The following SPTA1 variants were observed in gnomAD, a reference collection of about 807,000 sequenced individuals.
The protein encoded by SPTA1 is spectrin alpha chain, erythrocytic 1.
Under a neutral mutation model 324.7 loss-of-function variants are expected in SPTA1, and 177 were observed. The ratio of observed to expected loss-of-function variants is 0.55; its 90% confidence interval spans 0.48 to 0.62. The LOEUF (loss-of-function observed/expected upper bound fraction) is 0.62. Ranked by LOEUF, SPTA1 falls within the 20% of genes least tolerant of loss-of-function variation. The probability of loss-of-function intolerance (pLI) is 0.00; values close to 1 mark genes in which losing one functional copy is unlikely to be tolerated. For synonymous variants in SPTA1, 1,195 were observed against 1,041.3 expected, an observed-to-expected ratio of 1.15 and a Z score of -2.84; for missense variants, 3,162 against 2,883.6, an observed-to-expected ratio of 1.10 and a Z score of -2.21.
At chr1:158,671,684 C>T (rs1284170581) in intron 11 of SPTA1, among the ~76,000 whole-genome samples, 4 of 152,154 alleles carry the variant, frequency 2.6e-5, no homozygotes, top group Admixed American at 6.6e-5. Context: ...TGGAATTCCT[C>T]AACCAGTCTA....
chr1:158,684,518 A>T (rs1655034638), intron 2 of SPTA1, among the ~76,000 whole-genome samples: 1 of 152,148 alleles, frequency 6.6e-6, no homozygotes, highest in South Asian at 2.1e-4. Context: ...TCTATACAGA[A>T]TAAATCTCCT....
intron 30 of SPTA1, among the ~76,000 whole-genome samples, chr1:158,643,919 T>C (rs1360676459): frequency 1.3e-5 from 2 of 151,958 alleles, no homozygotes; most frequent in East Asian, 3.9e-4. Flanking sequence ...GGTAGATCAC[T>C]TGAGGTCAGG....
At position 158,617,524 on chromosome 1, in the gene SPTA1, A is replaced by C. The variant is rs1284019576; in HGVS notation, c.6600+13T>G. ...TTGGCAATATCTTCAGTTAATGAAA[A>C]AACAATACTTACTTTATTTGCTTCC... On this transcript the variant is annotated intron_variant, in intron 47 of 51. Coordinates refer to ENST00000643759, the MANE Select transcript of SPTA1 (RefSeq NM_003126.4). 1.2e-6 allele frequency: 2 copies of C among 1,611,742 alleles called. No homozygotes were observed. The highest frequency in any genetic ancestry group is 1.7e-6 in the Non-Finnish European group (2 of 1,178,160).
intron 15 of SPTA1, among the ~76,000 whole-genome samples, chr1:158,666,714 A>G (rs1048311288): frequency 1.3e-5 from 2 of 152,200 alleles, no homozygotes; most frequent in Admixed American, 6.5e-5. Flanking sequence ...AGCAAAAATA[A>G]ATAAGAAGTT....
chr1:158,660,357 AAAGATAGCTCATGTGGCTTTTAT>A (rs1316522889), intron 18 of SPTA1, among the ~76,000 whole-genome samples: 2 of 152,196 alleles, frequency 1.3e-5, no homozygotes, highest in African/African-American at 4.8e-5. Flanking sequence ...AAACTAATCA[AAAGATAGCTCATGTGGCTTTTAT>A]TAGTTTACTA....
At position 158,652,515 on chromosome 1, in the gene SPTA1, T is replaced by C; in HGVS notation, c.3327A>G (p.Glu1109=). ...QEKKAENTGV[E]LDDVWELQKK... Reference sequence around the variant, plus strand: ...TCTGCAGCTCCCAAACATCATCTAGTTCCACTCCAGTGTTTTCTGCCTTTT... The same window carrying C: ...TCTGCAGCTCCCAAACATCATCTAGCTCCACTCCAGTGTTTTCTGCCTTTT... The change falls in exon 23 of 52, where the codon GAA becomes GAG. Residue 1109 remains glutamate, a synonymous_variant. Coordinates refer to ENST00000643759, the MANE Select transcript of SPTA1 (RefSeq NM_003126.4). The C allele has an allele frequency of 6.2e-7, 1 of 1,614,200 alleles. No homozygotes were observed. Among genetic ancestry groups the C allele is most frequent in the Non-Finnish European group, 8.5e-7 (1 of 1,180,038 alleles).
intron 37 of SPTA1, 62 bp downstream of exon 37, chr1:158,636,579 G>A (rs1245548106): frequency 1.3e-6 from 2 of 1,588,258 alleles, no homozygotes; most frequent in East Asian, 2.2e-5. Flanking sequence ...TTATTTATCT[G>A]TAACACAAGG....
chr1:158,633,357 A>G (rs1242642604), intron 39 of SPTA1, among the ~76,000 whole-genome samples: 1 of 152,192 alleles, frequency 6.6e-6, no homozygotes, highest in African/African-American at 2.4e-5. Context: ...TTATAACTGC[A>G]TGTGAATCTA....
chr1:158,629,401 G>A lies in SPTA1; in HGVS notation c.5566-1678C>T, dbSNP rs114846821. Among the ~76,000 whole-genome samples the A allele has an allele frequency of 9.1e-3, 1,381 of 151,672 alleles. 18 individuals are homozygous for A. Among genetic ancestry groups the A allele is most frequent in the African/African-American group, 0.032 (1,305 of 41,374 alleles). On this transcript the variant is annotated intron_variant, in intron 39 of 51. Coordinates refer to ENST00000643759, the MANE Select transcript of SPTA1 (RefSeq NM_003126.4). ...TCAACATATGCAGATCAATAAATGT[G>A]ATACAACACATTGACACAAAAAAAG...
chr1:158,633,006 A>G (rs1650792133), intron 39 of SPTA1, among the ~76,000 whole-genome samples: 1 of 152,222 alleles, frequency 6.6e-6, no homozygotes, highest in African/African-American at 2.4e-5. Flanking sequence ...GGGATGAACT[A>G]TTGTTACACA....
At chr1:158,622,932 G>A (rs377700018) in intron 43 of SPTA1, 51 bp downstream of exon 43, 2 of 1,470,800 alleles carry the variant, frequency 1.4e-6, no homozygotes, top group South Asian at 2.3e-5. Context: ...GAATTTCATG[G>A]CTAATATACA....
At chr1:158,668,742 A>T (rs1289082305) in intron 14 of SPTA1, among the ~76,000 whole-genome samples, 1 of 152,174 alleles carries the variant, frequency 6.6e-6, no homozygotes, top group African/African-American at 2.4e-5. Flanking sequence ...GTACAACCCT[A>T]AGGAAGAGTA....
intron 51 of SPTA1, 33 bp from the exon 52 acceptor site, chr1:158,611,422 T>C (rs1571363677): frequency 2.5e-6 from 4 of 1,612,128 alleles, no homozygotes; most frequent in African/African-American, 2.7e-5. Context: ...AATACAGTTA[T>C]AGGGATTCAA....
chr1:158,664,544 A>T (rs1291890046), intron 16 of SPTA1, among the ~76,000 whole-genome samples: 2 of 152,092 alleles, frequency 1.3e-5, no homozygotes, highest in Non-Finnish European at 2.9e-5. Flanking sequence ...TAAATACCTA[A>T]TGCATGCAGG....
At position 158,684,535 on chromosome 1, in the gene SPTA1, A is replaced by G. The variant is rs530442655; in HGVS notation, c.264+573T>C. 6.6e-5 allele frequency among the ~76,000 whole-genome samples: 10 copies of G among 152,264 alleles called. No homozygotes were observed. The South Asian group carries it at 2.1e-3, about 32-fold the overall frequency. ...TATACAGAATAAATCTCCTTTGCAA[A>G]TAACACCCCGATGTTTATGAAGATG... is the stretch of plus-strand genomic sequence containing the variant. On this transcript the variant is annotated intron_variant, in intron 2 of 51. Transcript: ENST00000643759.
At chr1:158,660,506 G>C (rs1031697450) in intron 18 of SPTA1, among the ~76,000 whole-genome samples, 3 of 152,060 alleles carry the variant, frequency 2.0e-5, no homozygotes, top group Non-Finnish European at 4.4e-5. Flanking sequence ...TAATAACAGA[G>C]CTTCAAAATA....
At chr1:158,614,433 TTGGCAAACTATAGTCCA>T in intron 48 of SPTA1, 127 bp from the exon 49 acceptor site, 1 of 715,690 alleles carries the variant, frequency 1.4e-6, no homozygotes, top group Non-Finnish European at 2.4e-6. Flanking sequence ...AGTTCAAGAG[TTGGCAAACTATAGTCCA>T]TGGGCCAAAT....
At chr1:158,650,803 A>G (rs1355795898) in intron 24 of SPTA1, among the ~76,000 whole-genome samples, 1 of 152,236 alleles carries the variant, frequency 6.6e-6, no homozygotes, top group Non-Finnish European at 1.5e-5. Flanking sequence ...TTGGGTGGAC[A>G]TGTAAGGAAA....
intron 30 of SPTA1, 96 bp from the exon 31 acceptor site, chr1:158,643,521 G>T: frequency 1.6e-6 from 2 of 1,218,972 alleles, no homozygotes; most frequent in Non-Finnish European, 2.4e-6. Context: ...GGTATCCTTT[G>T]TGGATTCAGA....
Sources: allele counts gnomAD v4.1 joint callset (sites outside exome capture counted in the v4.1 genomes callset), GRCh38; gene constraint gnomAD v4.1.1; transcripts MANE v1.5; gene names NCBI Gene and HGNC (gene_info 2026-07-23, HGNC 2026-07-21).